Variants in CHRNA2 observed in about 807,000 individuals in gnomAD.
The protein encoded by CHRNA2 is neuronal acetylcholine receptor subunit alpha-2.
Under a neutral mutation model 45.5 loss-of-function variants are expected in CHRNA2, and 40 were observed. The ratio of observed to expected loss-of-function variants is 0.88; its 90% CI spans 0.68 to 1.15. The LOEUF is 1.15. Ranked by LOEUF, CHRNA2 falls within the 50% of genes most tolerant of loss-of-function variation. CHRNA2 has a pLI of 0.00. For synonymous variants in CHRNA2, 301 were observed against 296.7 expected, an observed-to-expected ratio of 1.01 and a Z score of -0.15; for missense variants, 655 against 701.7, an observed-to-expected ratio of 0.93 and a Z score of 0.75.
Position 27,460,432 on chromosome 8 carries a change from A to T in CHRNA2, c.*1197T>A, listed in dbSNP as rs1490580514. ...GGACCACAGCTTTGCCATCTACACA[A>T]CAGTCCTGGGGCCCAAACAATCCAG... On this transcript the variant is annotated 3_prime_UTR_variant, in exon 7 of 7. Coordinates refer to ENST00000407991, the MANE Select transcript of CHRNA2 (RefSeq NM_000742.4). The T allele has an allele frequency of 6.6e-6, 1 of 152,418 alleles. No individual in the cohort carries two copies. Among genetic ancestry groups the T allele is most frequent in the Non-Finnish European group, 1.5e-5 (1 of 68,258 alleles). 9.4% of individuals were successfully genotyped at this position (152,418 alleles called of 1,614,324 possible). A position where few individuals can be genotyped will look rare whatever the true frequency, so the allele number is the denominator to read the frequency against.
At chr8:27,476,270 C>T (rs1290701063) in intron 1 of CHRNA2, among the ~76,000 whole-genome samples, 1 of 152,226 alleles carries the variant, frequency 6.6e-6, no homozygotes, top group Non-Finnish European at 1.5e-5. Context: ...GCTAGAGTCT[C>T]ATCCACTCGT....
intron 4 of CHRNA2, 70 bp from the exon 5 acceptor site, chr8:27,467,408 CG>C: frequency 8.0e-7 from 1 of 1,256,606 alleles, no homozygotes; most frequent in South Asian, 1.2e-5. Flanking sequence ...TAGCACACCC[CG>C]GGGATGCCCA....
At chr8:27,478,649 A>C (rs1332500485) in intron 1 of CHRNA2, among the ~76,000 whole-genome samples, 175 bp downstream of exon 1, 1 of 152,166 alleles carries the variant, frequency 6.6e-6, no homozygotes, top group Admixed American at 6.5e-5. Flanking sequence ...GGCTGTGGAC[A>C]GCTCCAGCAG....
In CHRNA2 at chr8:27,460,186, G is replaced by A. The variant is rs1431090019; in HGVS notation, c.*1443C>T. Reference sequence around the variant, plus strand: ...TCCCGAGAACCCGATGCCCACATCTGTTAGCTGCCAATGTCCCACCCTCCA... The same window carrying A: ...TCCCGAGAACCCGATGCCCACATCTATTAGCTGCCAATGTCCCACCCTCCA... On this transcript the variant is annotated 3_prime_UTR_variant, in exon 7 of 7. Transcript: ENST00000407991. 3 of 152,192 alleles carry A rather than the reference G, an allele frequency of 2.0e-5. No homozygotes were observed. The highest frequency in any genetic ancestry group is 7.2e-5 in the African/African-American group (3 of 41,438). The allele number at this position is 152,192 out of a possible 1,614,324, so 9.4% of individuals were successfully genotyped here.
chr8:27,461,302 C>A lies in CHRNA2; in HGVS notation c.*327G>T. ...CCTCGTCACCCTGGCCCCACTGTCC[C>A]CCTGGTTGACCCTTCTGTCACTTAG... On this transcript the variant is annotated 3_prime_UTR_variant, in exon 7 of 7. Coordinates refer to ENST00000407991, the MANE Select transcript of CHRNA2 (RefSeq NM_000742.4). 2.8e-6 allele frequency: 1 copy of A among 354,194 alleles called. No homozygotes were observed. 21.9% of individuals were successfully genotyped at this position (354,194 alleles called of 1,614,324 possible). A position where few individuals can be genotyped will look rare whatever the true frequency, so the allele number is the denominator to read the frequency against.
chr8:27,463,761 T>C lies in CHRNA2; in HGVS notation c.682A>G (p.Ser228Gly), dbSNP rs1812606250. 1 of 1,613,876 alleles carries C rather than the reference T, an allele frequency of 6.2e-7. No individual in the cohort carries two copies. Among genetic ancestry groups the C allele is most frequent in the African/African-American group, 1.3e-5 (1 of 74,826 alleles). ...QTVDLKDYWE[S>G]GEWAIVNATG... ...GCATTGACGATGGCCCACTCGCCGC[T>C]CTCCCAGTAGTCCTTCAGGTCCACA... is the stretch of plus-strand genomic sequence containing the variant. Residue 228 changes from serine (S) to glycine (G), a missense_variant, in exon 6 of 7, where the codon AGC (serine) becomes GGC (glycine). This residue lies in a region of CHRNA2 where 323 missense variants were observed against 354.4 expected (regional missense o/e 0.91). Coordinates refer to ENST00000407991, the MANE Select transcript of CHRNA2 (RefSeq NM_000742.4). This position sits in a 1 kb window ranked among gnomAD's most constrained non-coding sequence, Gnocchi z 6.1.
chr8:27,471,817 C>A (rs1812892580), intron 1 of CHRNA2, among the ~76,000 whole-genome samples: 1 of 152,238 alleles, frequency 6.6e-6, no homozygotes, highest in Admixed American at 6.5e-5. Context: ...TACTGGGAAT[C>A]TCCAAAATGA....
At chr8:27,462,054 G>A (rs989888080) in intron 6 of CHRNA2, among the ~76,000 whole-genome samples, 3 of 152,354 alleles carry the variant, frequency 2.0e-5, no homozygotes, top group Admixed American at 1.3e-4. Context: ...GCAAGGAGGC[G>A]GCACGACCAC....
rs139552324 is a variant in CHRNA2, at chr8:27,469,886, C to T, written c.169G>A (p.Glu57Lys). The T allele has an allele frequency of 5.0e-6, 8 of 1,614,154 alleles. No individual in the cohort carries two copies. Among genetic ancestry groups the T allele is most frequent in the South Asian group, 2.2e-5 (2 of 91,080 alleles). Residue 57 changes from glutamate (E) to lysine (K), a missense_variant, in exon 3 of 7, where the codon GAG becomes AAG. Coordinates refer to ENST00000407991, the MANE Select transcript of CHRNA2 (RefSeq NM_000742.4). ...TGTTTGAAGAGCCGGTCCTCAGTCT[C>T]GGTATGCGAGCCTCCCTGCGGCAAT... ...TALPQGGSHT[E>K]TEDRLFKHLF...
At chr8:27,470,117 G>T in intron 2 of CHRNA2, 136 bp from the exon 3 acceptor site, 1 of 850,730 alleles carries the variant, frequency 1.2e-6, no homozygotes, top group Non-Finnish European at 1.9e-6. Context: ...GCTGAGCACA[G>T]CATGAGCAGG....
intron 5 of CHRNA2, among the ~76,000 whole-genome samples, chr8:27,465,531 A>C (rs866828722): frequency 4.6e-5 from 7 of 152,146 alleles, no homozygotes; most frequent in African/African-American, 1.7e-4. Flanking sequence ...TCCCAGGTTC[A>C]AGCAATTCTC....
At chr8:27,471,286 AG>A in intron 1 of CHRNA2, 92 bp from the exon 2 acceptor site, 1 of 502,714 alleles carries the variant, frequency 2.0e-6, no homozygotes, top group South Asian at 2.0e-5. Context: ...ATGAAATGAG[AG>A]CAAAAGGCCC....
chr8:27,461,545 G>A lies in CHRNA2; in HGVS notation c.*84C>T. The A allele has an allele frequency of 6.3e-7, 1 of 1,596,190 alleles. No homozygotes were observed. The highest frequency in any genetic ancestry group is 1.7e-5 in the Admixed American group (1 of 59,546). On this transcript the variant is annotated 3_prime_UTR_variant, in exon 7 of 7. Coordinates refer to ENST00000407991, the MANE Select transcript of CHRNA2 (RefSeq NM_000742.4). ...CGGAGAGGCACCTGCTCATCCCAAA[G>A]GGGACACCAGAGGCAGCTGTAGCAG...
At chr8:27,469,495 G>T in intron 3 of CHRNA2, 116 bp from the exon 4 acceptor site, 5 of 1,127,204 alleles carry the variant, frequency 4.4e-6, no homozygotes, top group Admixed American at 2.0e-5. Flanking sequence ...AGCCCAGCCC[G>T]CCCGCCACCC....
In CHRNA2 at chr8:27,463,909, G is replaced by A; in HGVS notation, c.534C>T (p.Ile178=). 1 of 1,614,200 alleles carries A rather than the reference G, an allele frequency of 6.2e-7. No homozygotes were observed. The highest frequency in any genetic ancestry group is 8.5e-7 in the Non-Finnish European group (1 of 1,180,040). ...TGTVHWVPPA[I]YKSSCSIDVT... Reference sequence around the variant, plus strand: ...CGTCGATGCTGCAGGAGCTCTTGTAGATGGCCGGGGGCACCCAGTGCACAG... The same window carrying A: ...CGTCGATGCTGCAGGAGCTCTTGTAAATGGCCGGGGGCACCCAGTGCACAG... The change falls in exon 6 of 7, where the codon ATC becomes ATT. Residue 178 remains isoleucine, a synonymous_variant. Transcript: ENST00000407991. This position sits in a 1 kb window ranked among gnomAD's most constrained non-coding sequence, Gnocchi z 6.1.
At chr8:27,470,308 C>T (rs774051979) in intron 2 of CHRNA2, among the ~76,000 whole-genome samples, 19 of 152,224 alleles carry the variant, frequency 1.2e-4, no homozygotes, top group African/African-American at 2.2e-4. Flanking sequence ...GTGGAAGAGA[C>T]GCCTGGTCTA....
rs1057522280 is a variant in CHRNA2 at position 27,463,183 on chromosome 8, C to T, written c.1260G>A (p.Glu420=). Residue 420 remains glutamate, a synonymous_variant, in exon 6 of 7, where the codon GAG becomes GAA. Transcript: ENST00000407991. This position sits in a 1 kb window ranked among gnomAD's most constrained non-coding sequence, Gnocchi z 6.1. The stretch of plus-strand genomic sequence containing the variant: ...CATGACCTGCACATGCCCATCTGTC[C>T]TCCTCCTCCACCACCACCTCCCTCT... ...AEEREVVVEE[E]DRWACAGHVA... 9.4e-6 allele frequency: 15 copies of T among 1,592,710 alleles called. No individual in the cohort carries two copies. In the East Asian group the frequency reaches 2.9e-4, roughly 31 times the overall value.
chr8:27,469,265 G>A, intron 4 of CHRNA2, 70 bp downstream of exon 4: 1 of 1,438,892 alleles, frequency 6.9e-7, no homozygotes, highest in South Asian at 1.2e-5. Context: ...TAGCGAAGAA[G>A]TCCTGGAGGG....
intron 5 of CHRNA2, 61 bp from the exon 6 acceptor site, chr8:27,464,054 T>G: frequency 6.3e-7 from 1 of 1,597,680 alleles, no homozygotes; most frequent in Non-Finnish European, 8.5e-7. Context: ...GCCAGGCTAC[T>G]CAGAGAGCTG....
Sources: allele counts gnomAD v4.1 joint callset (sites outside exome capture counted in the v4.1 genomes callset), GRCh38; gene constraint gnomAD v4.1.1; regional missense constraint gnomAD v4.1.1; non-coding constraint Gnocchi (gnomAD v3.1); transcripts MANE v1.5; gene names NCBI Gene and HGNC (gene_info 2026-07-23, HGNC 2026-07-21).